Variants in PTPRZ1 observed in about 807,000 individuals in gnomAD.
PTPRZ1 encodes protein tyrosine phosphatase receptor type Z1, also known as receptor-type tyrosine-protein phosphatase zeta.
Under a neutral mutation model 214.1 loss-of-function variants are expected in PTPRZ1, and 82 were observed. The observed-to-expected ratio is 0.38, with a 90% confidence interval of 0.32 to 0.46. The LOEUF is 0.46. Ranked by LOEUF, PTPRZ1 falls within the 20% of genes least tolerant of loss-of-function variation. The pLI is 1.00. For missense variants in PTPRZ1, 2,603 were observed against 2,748.7 expected, an observed-to-expected ratio of 0.95 and a Z score of 1.19; for synonymous variants, 945 against 987.9, an observed-to-expected ratio of 0.96 and a Z score of 0.81.
At chr7:122,048,616 A>G (rs1301119314) in intron 23 of PTPRZ1, among the ~76,000 whole-genome samples, 1 of 152,140 alleles carries the variant, frequency 6.6e-6, no homozygotes, top group African/African-American at 2.4e-5. Context: ...CATAAATATT[A>G]CACCTTTTAT....
At chr7:121,911,721 G>A (rs1213531813) in intron 1 of PTPRZ1, among the ~76,000 whole-genome samples, 1 of 151,732 alleles carries the variant, frequency 6.6e-6, no homozygotes, top group Non-Finnish European at 1.5e-5. Flanking sequence ...CATTACATCT[G>A]TCATATGATC....
At position 121,885,450 on chromosome 7, in the gene PTPRZ1, G is replaced by A. The variant is rs545741539; in HGVS notation, c.58+11893G>A. Among the ~76,000 whole-genome samples, 12 of 152,220 alleles carry A rather than the reference G, an allele frequency of 7.9e-5. No individual in the cohort carries two copies. The South Asian group carries it at 2.5e-3, about 32-fold the overall frequency. On this transcript the variant is annotated intron_variant, in intron 1 of 29. Transcript: ENST00000393386. ...TAAAGCGTGAAATCACATTTAATTA[G>A]CCAAGAGTGGCTAGTGTATGTTGCC...
intron 11 of PTPRZ1, among the ~76,000 whole-genome samples, chr7:122,006,208 A>G (rs934936975): frequency 2.0e-5 from 3 of 152,104 alleles, no homozygotes; most frequent in Non-Finnish European, 4.4e-5. Flanking sequence ...AGTAGTTTGC[A>G]TATCCATTAT....
chr7:122,044,989 C>T (rs773565492), intron 23 of PTPRZ1, among the ~76,000 whole-genome samples: 13 of 152,108 alleles, frequency 8.5e-5, no homozygotes, highest in Admixed American at 2.0e-4. Context: ...CTTGAAACCC[C>T]TGGACCAAAG....
rs150698072 is a variant in PTPRZ1 at position 122,011,697 on chromosome 7, A to G, written c.2651A>G (p.His884Arg). 7.3e-4 allele frequency: 1,180 copies of G among 1,614,094 alleles called. 4 individuals are homozygous for G. The highest frequency in any genetic ancestry group is 3.7e-3 in the South Asian group (341 of 91,080). ...TATTCTGATGTGCTGTCCACTACTCATGCTGCTTCAGAGACGCTGGAATTT... is the reference window on the plus strand; with the variant it reads ...TATTCTGATGTGCTGTCCACTACTCGTGCTGCTTCAGAGACGCTGGAATTT... ...AQYSDVLSTT[H>R]AASETLEFGS... The change falls in exon 12 of 30, where the codon CAT becomes CGT. Residue 884 changes from histidine to arginine, a missense_variant. This residue lies in a region of PTPRZ1 where 1,913 missense variants were observed against 1,914.3 expected (regional missense o/e 1.00). Transcript: ENST00000393386.
intron 2 of PTPRZ1, among the ~76,000 whole-genome samples, chr7:121,959,432 C>T (rs958590901): frequency 1.3e-5 from 2 of 152,170 alleles, no homozygotes; most frequent in African/African-American, 2.4e-5. Flanking sequence ...CTGCAGAAAC[C>T]TCTGGCCAAA....
chr7:121,876,595 C>A (rs545131764), intron 1 of PTPRZ1, among the ~76,000 whole-genome samples: 1 of 152,210 alleles, frequency 6.6e-6, no homozygotes, highest in East Asian at 1.9e-4. Context: ...TCTATTTATC[C>A]TCTGAAAACA....
At chr7:121,928,629 G>T (rs149834745) in intron 2 of PTPRZ1, among the ~76,000 whole-genome samples, 16 of 152,240 alleles carry the variant, frequency 1.1e-4, no homozygotes, top group African/African-American at 2.9e-4. Context: ...TGCTGGAGTT[G>T]TTATGATCAT....
chr7:121,994,269 T>A (rs1188542763), intron 8 of PTPRZ1, among the ~76,000 whole-genome samples: 2 of 148,762 alleles, frequency 1.3e-5, no homozygotes, highest in Non-Finnish European at 3.0e-5. Context: ...TTTGTATGTA[T>A]GCATAAAATT....
At chr7:121,935,636 C>A (rs1796065079) in intron 2 of PTPRZ1, among the ~76,000 whole-genome samples, 1 of 152,120 alleles carries the variant, frequency 6.6e-6, no homozygotes, top group Non-Finnish European at 1.5e-5. Context: ...GCAATCTCGG[C>A]TTGCTGCTGC....
intron 6 of PTPRZ1, among the ~76,000 whole-genome samples, chr7:121,981,599 G>C (rs190821261): frequency 1.3e-5 from 2 of 152,294 alleles, no homozygotes; most frequent in East Asian, 3.9e-4. Flanking sequence ...TATTGCTATT[G>C]GTAAGTGCTA....
rs1562888813 is a variant in PTPRZ1 at position 122,061,242 on chromosome 7, TCA to T, written c.*25_*26del. 2 of 1,554,570 alleles carry T rather than the reference TCA, an allele frequency of 1.3e-6. No homozygotes were observed. The highest frequency in any genetic ancestry group is 4.6e-5 in the East Asian group (2 of 43,188). On this transcript the variant is annotated 3_prime_UTR_variant, in exon 30 of 30. Transcript: ENST00000393386. ...TTAACACAGAAAGGGGTGGGGGAACTCACATCTGAGCATTGTTTTCCTCTTCC... is the reference window on the plus strand; with the variant it reads ...TTAACACAGAAAGGGGTGGGGGAACTCATCTGAGCATTGTTTTCCTCTTCC...
chr7:122,021,419 G>A (rs559943861), intron 13 of PTPRZ1, among the ~76,000 whole-genome samples: 5 of 152,116 alleles, frequency 3.3e-5, no homozygotes, highest in African/African-American at 1.2e-4. Flanking sequence ...TGAATGCAGA[G>A]TGTCATAGTG....
At chr7:121,920,241 G>A (rs79344508) in intron 1 of PTPRZ1, among the ~76,000 whole-genome samples, 3,015 of 152,176 alleles carry the variant, frequency 0.02, 92 homozygotes, top group African/African-American at 0.069. Context: ...CTTGCTCTGC[G>A]TCAGCTTTCA....
chr7:121,938,709 CT>C (rs1255635614), intron 2 of PTPRZ1, among the ~76,000 whole-genome samples: 1 of 150,564 alleles, frequency 6.6e-6, no homozygotes, highest in Non-Finnish European at 1.5e-5. Flanking sequence ...TTACAACGAT[CT>C]CTTTTCTAAA....
At chr7:121,877,133 T>A (rs1036442878) in intron 1 of PTPRZ1, among the ~76,000 whole-genome samples, 1 of 152,188 alleles carries the variant, frequency 6.6e-6, no homozygotes, top group African/African-American at 2.4e-5. Flanking sequence ...CACTGAGCAT[T>A]TTATGTACAT....
chr7:121,886,189 T>C (rs1372719762), intron 1 of PTPRZ1, among the ~76,000 whole-genome samples: 3 of 152,088 alleles, frequency 2.0e-5, no homozygotes, highest in Non-Finnish European at 4.4e-5. Flanking sequence ...TAATTATGCT[T>C]GATTATTGCA....
intron 24 of PTPRZ1, 28 bp downstream of exon 24, chr7:122,051,549 A>T (rs749170147): frequency 6.4e-6 from 10 of 1,571,042 alleles, no homozygotes; most frequent in African/African-American, 1.4e-5. Context: ...TTGAAAAAAC[A>T]ACTTTTTTAA....
chr7:122,023,586 ATATAT>A (rs1233955232), intron 13 of PTPRZ1, among the ~76,000 whole-genome samples: 13 of 133,168 alleles, frequency 9.8e-5, no homozygotes, highest in African/African-American at 2.0e-4. Context: ...ATATAATTAT[ATATAT>A]TATATGTATA....
Sources: gnomAD v4.1 joint callset for allele counts (sites outside exome capture counted in the v4.1 genomes callset) on GRCh38, gnomAD v4.1.1 for gene constraint, gnomAD v4.1.1 regional missense constraint, MANE v1.5 for transcripts, NCBI Gene and HGNC (gene_info 2026-07-23, HGNC 2026-07-21) for gene names.